Variants in EPHA5 observed in about 807,000 individuals in gnomAD.
EPHA5 encodes the protein EPH receptor A5.
EPHA5 carries 60 observed loss-of-function variants against 105.0 expected under a neutral mutation model. The observed-to-expected ratio is 0.57, with a 90% CI of 0.46 to 0.71. The LOEUF (loss-of-function observed/expected upper bound fraction) is 0.71. EPHA5 is among the 30% of genes least tolerant of loss of function. The pLI, the probability that EPHA5 is intolerant of heterozygous loss-of-function variation, is 0.00. For synonymous variants in EPHA5, 513 were observed against 449.1 expected (o/e 1.14, Z -1.80); for missense variants, 1,218 against 1,274.7 (o/e 0.96, Z 0.68).
intron 3 of EPHA5, among the ~76,000 whole-genome samples, chr4:65,565,050 C>T (rs371975611): frequency 2.5e-3 from 383 of 151,624 alleles, no homozygotes; most frequent in African/African-American, 8.9e-3. Flanking sequence ...AGAGGGCTGG[C>T]AGAAGCATAT....
At chr4:65,453,930 C>T (rs939071648) in intron 5 of EPHA5, among the ~76,000 whole-genome samples, 2 of 151,556 alleles carry the variant, frequency 1.3e-5, no homozygotes, top group African/African-American at 2.4e-5. Flanking sequence ...ATTCTTTCTT[C>T]TGAGAAGGCA....
At chr4:65,512,028 T>C (rs1405983136) in intron 3 of EPHA5, among the ~76,000 whole-genome samples, 1 of 152,122 alleles carries the variant, frequency 6.6e-6, no homozygotes, top group Admixed American at 6.6e-5. Flanking sequence ...GGAGTATGTG[T>C]AAAAGTAAAA....
intron 8 of EPHA5, among the ~76,000 whole-genome samples, chr4:65,383,091 CTT>C (rs1560476517): frequency 1.3e-5 from 2 of 148,942 alleles, no homozygotes; most frequent in East Asian, 2.0e-4. Flanking sequence ...ATGTAAAAAT[CTT>C]ATGCATAAAA....
chr4:65,563,913 A>T (rs1174281426), intron 3 of EPHA5, among the ~76,000 whole-genome samples: 1 of 151,938 alleles, frequency 6.6e-6, no homozygotes, highest in African/African-American at 2.4e-5. Flanking sequence ...AAGGCTAATA[A>T]ATCAAAACAA....
intron 16 of EPHA5, among the ~76,000 whole-genome samples, chr4:65,328,392 G>A (rs753547002): frequency 1.3e-5 from 2 of 151,188 alleles, no homozygotes; most frequent in Non-Finnish European, 3.0e-5. Context: ...TGAAAATAGA[G>A]TAATAAAAAG....
At chr4:65,363,783 A>C (rs1231910971) in intron 11 of EPHA5, among the ~76,000 whole-genome samples, 1 of 151,492 alleles carries the variant, frequency 6.6e-6, no homozygotes, top group East Asian at 1.9e-4. Context: ...GACACTTGCT[A>C]TCACAGACGT....
chr4:65,574,631 T>TATATATATACATATATATATATATAC (rs1176951291), intron 3 of EPHA5, among the ~76,000 whole-genome samples: 1 of 81,672 alleles, frequency 1.2e-5, no homozygotes, highest in Non-Finnish European at 2.8e-5. Flanking sequence ...TATATACACA[T>TATATATATACATATATATATATATAC]ATATATATAC....
At chr4:65,405,010 A>T (rs1480111120) in intron 7 of EPHA5, among the ~76,000 whole-genome samples, 3 of 152,176 alleles carry the variant, frequency 2.0e-5, no homozygotes, top group Non-Finnish European at 4.4e-5. Flanking sequence ...GAATATTATT[A>T]TAAAAATACA....
intron 1 of EPHA5, among the ~76,000 whole-genome samples, chr4:65,649,785 T>C (rs1748435786): frequency 6.6e-6 from 1 of 152,200 alleles, no homozygotes; most frequent in African/African-American, 2.4e-5. Flanking sequence ...TTGCCTTATC[T>C]TTTGGCAGCA....
At chr4:65,618,251 T>A (rs1022938254) in intron 2 of EPHA5, among the ~76,000 whole-genome samples, 8 of 152,176 alleles carry the variant, frequency 5.3e-5, no homozygotes, top group Non-Finnish European at 8.8e-5. Context: ...ATACTAAAGT[T>A]TCTTTGATAT....
chr4:65,491,847 A>C (rs2149216878), intron 4 of EPHA5, among the ~76,000 whole-genome samples: 1 of 152,214 alleles, frequency 6.6e-6, no homozygotes, highest in South Asian at 2.1e-4. Context: ...AACAAAAATT[A>C]ATTAGGTAAT....
chr4:65,520,049 A>T (rs1300030831), intron 3 of EPHA5, among the ~76,000 whole-genome samples: 4 of 152,204 alleles, frequency 2.6e-5, no homozygotes, highest in African/African-American at 7.2e-5. Context: ...TATGGAACCA[A>T]AAAAGAGCCT....
chr4:65,456,141 T>C (rs1727561370), intron 5 of EPHA5, among the ~76,000 whole-genome samples: 1 of 152,132 alleles, frequency 6.6e-6, no homozygotes, highest in South Asian at 2.1e-4. Flanking sequence ...GTTCGCAAAT[T>C]TGCTTGAAAA....
chr4:65,378,746 G>A (rs976658933), intron 8 of EPHA5, among the ~76,000 whole-genome samples: 4 of 151,854 alleles, frequency 2.6e-5, no homozygotes, highest in African/African-American at 9.7e-5. Flanking sequence ...AGTTTTCTGA[G>A]ATGAGAATGA....
chr4:65,445,178 T>C (rs1249203870), intron 5 of EPHA5, among the ~76,000 whole-genome samples: 1 of 152,130 alleles, frequency 6.6e-6, no homozygotes, highest in African/African-American at 2.4e-5. Flanking sequence ...TAAATCAATC[T>C]ATACTTTAAA....
intron 3 of EPHA5, among the ~76,000 whole-genome samples, chr4:65,499,580 A>T (rs1732278697): frequency 1.3e-5 from 2 of 151,532 alleles, no homozygotes. Context: ...TGCCGTACTC[A>T]CTTCTCAGCA....
chr4:65,349,566 T>C (rs544769940), intron 13 of EPHA5, among the ~76,000 whole-genome samples: 2 of 152,222 alleles, frequency 1.3e-5, no homozygotes, highest in Admixed American at 1.3e-4. Flanking sequence ...AAAGATTTAA[T>C]TTACATTGCA....
At chr4:65,333,401 T>A (rs1560419626) in intron 15 of EPHA5, among the ~76,000 whole-genome samples, 1 of 151,564 alleles carries the variant, frequency 6.6e-6, no homozygotes, top group Non-Finnish European at 1.5e-5. Context: ...GTGAGCACTT[T>A]TCAAACTACA....
intron 3 of EPHA5, among the ~76,000 whole-genome samples, chr4:65,587,814 T>A (rs893020232): frequency 6.6e-6 from 1 of 152,078 alleles, no homozygotes; most frequent in South Asian, 2.1e-4. Flanking sequence ...TTTTCCTCAG[T>A]CTGAGGTCTG....
Sources: gnomAD v4.1 joint callset for allele counts (sites outside exome capture counted in the v4.1 genomes callset) on GRCh38, gnomAD v4.1.1 for gene constraint, MANE v1.5 for transcripts, NCBI Gene and HGNC (gene_info 2026-07-23, HGNC 2026-07-21) for gene names.